SLC30A5: variants seen among roughly 807,000 people sequenced by gnomAD.
SLC30A5 encodes the protein solute carrier family 30 member 5, also known as proton-coupled zinc antiporter SLC30A5.
In SLC30A5, 33 loss-of-function variants were observed where a neutral mutation model predicts 79.6. The ratio of observed to expected loss-of-function variants is 0.41; its 90% CI spans 0.31 to 0.55. The LOEUF is 0.55. Among genes scored for constraint, SLC30A5 ranks in the 20% least tolerant of loss-of-function variants. The pLI, the probability that SLC30A5 is intolerant of heterozygous loss-of-function variation, is 0.20. For missense variants in SLC30A5, 788 were observed against 928.1 expected (o/e 0.85, Z 1.96); for synonymous variants, 299 against 319.7 (o/e 0.94, Z 0.69).
rs544028133 is a variant in SLC30A5 at position 69,106,007 on chromosome 5, A to T, written c.359+1291A>T. Reference sequence around the variant, plus strand: ...AGGAAACCAGACCCTGGTGCCAAAAAGGTTGGGGACCACTGTTCTAAAGGA... The same window carrying T: ...AGGAAACCAGACCCTGGTGCCAAAATGGTTGGGGACCACTGTTCTAAAGGA... On this transcript the variant is annotated intron_variant, in intron 4 of 15. Coordinates refer to ENST00000396591, the MANE Select transcript of SLC30A5 (RefSeq NM_022902.5). Among the ~76,000 whole-genome samples the T allele has an allele frequency of 2.0e-5, 3 of 152,314 alleles. No individual in the cohort carries two copies. The South Asian group carries it at 6.2e-4, about 32-fold the overall frequency.
Position 69,116,087 on chromosome 5 carries a change from T to C in SLC30A5, c.945T>C (p.Leu315=). The C allele has an allele frequency of 6.2e-7, 1 of 1,614,190 alleles. No individual in the cohort carries two copies. Among genetic ancestry groups the C allele is most frequent in the Non-Finnish European group, 8.5e-7 (1 of 1,180,030 alleles). The change falls in exon 9 of 16, where the codon CTT becomes CTC. Residue 315 remains leucine, a synonymous_variant. Coordinates refer to ENST00000396591, the MANE Select transcript of SLC30A5 (RefSeq NM_022902.5). The surrounding 1 kb of genome is among the most constrained non-coding windows in gnomAD (Gnocchi z 4.0). ...TTCCCATTTTTATTAGTGCTCTCCTTTTTGGAAATTTTTGGACACATCCAA... is the reference window on the plus strand; with the variant it reads ...TTCCCATTTTTATTAGTGCTCTCCTCTTTGGAAATTTTTGGACACATCCAA... ...GSFPIFISAL[L]FGNFWTHPIT... is the part of the protein sequence containing the mutation.
chr5:69,128,208 C>A, intron 15 of SLC30A5, 76 bp downstream of exon 15: 2 of 1,081,720 alleles, frequency 1.8e-6, no homozygotes, highest in South Asian at 1.5e-5. Context: ...AGTTATATGG[C>A]TCAGTAGTCA....
At chr5:69,117,426 T>C (rs1379815067) in intron 11 of SLC30A5, 30 bp downstream of exon 11, 1 of 1,589,032 alleles carries the variant, frequency 6.3e-7, no homozygotes, top group East Asian at 2.2e-5. Flanking sequence ...AGGTGGTATA[T>C]CTTAAGTGCA....
rs1366730205 is a variant in SLC30A5 at position 69,113,224 on chromosome 5, C to T, written c.532C>T (p.His178Tyr). ...TGATCTCATGGCTAAAATGGCTGAA[C>T]ACCGTATCCTTTTGGAATAGATCAG... ...NDDLMAKMAE[H>Y]PEGHHDSALT... The change falls in exon 6 of 16, where the codon CAC becomes TAC. Residue 178 changes from histidine (H) to tyrosine (Y), a missense_variant. Physicochemically the swap from His to Tyr is moderately conservative, Grantham distance 83. Around this residue, in one of 3 missense-constraint regions of SLC30A5, gnomAD observed 626 missense variants for 755.5 expected, o/e 0.83. Transcript: ENST00000396591. 1 of 1,611,842 alleles carries T rather than the reference C, an allele frequency of 6.2e-7. No individual in the cohort carries two copies. The highest frequency in any genetic ancestry group is 1.3e-5 in the African/African-American group (1 of 74,814).
At chr5:69,102,045 A>G (rs1745938119) in intron 2 of SLC30A5, among the ~76,000 whole-genome samples, 1 of 139,488 alleles carries the variant, frequency 7.2e-6, no homozygotes. Context: ...AGCACCAGTG[A>G]CGTGCTTTTT....
intron 5 of SLC30A5, among the ~76,000 whole-genome samples, chr5:69,110,576 T>C (rs1162175528): frequency 6.6e-6 from 1 of 151,894 alleles, no homozygotes; most frequent in Non-Finnish European, 1.5e-5. Context: ...GCTTTGTGAG[T>C]TTACAAAATA....
At chr5:69,103,668 C>T (rs750773410) in intron 3 of SLC30A5, among the ~76,000 whole-genome samples, 1 of 152,228 alleles carries the variant, frequency 6.6e-6, no homozygotes, top group African/African-American at 2.4e-5. Flanking sequence ...AATGATGCCT[C>T]ATCATCATTG....
In SLC30A5 at chr5:69,116,852, A is replaced by T. The variant is rs898726491; in HGVS notation, c.1281+250A>T. Among the ~76,000 whole-genome samples the T allele has an allele frequency of 7.2e-5, 11 of 152,336 alleles. No individual in the cohort carries two copies. The highest frequency in any genetic ancestry group is 2.6e-4 in the African/African-American group (11 of 41,576). The stretch of plus-strand genomic sequence containing the variant: ...GGCATTTTAGAAGCATTGATTTAGT[A>T]TGTTCCTTCAAATCAGTAAATATAG... On this transcript the variant is annotated intron_variant, in intron 10 of 15. Transcript: ENST00000396591. This position sits in a 1 kb window ranked among gnomAD's most constrained non-coding sequence, Gnocchi z 4.0.
intron 5 of SLC30A5, among the ~76,000 whole-genome samples, chr5:69,111,925 C>G (rs1010619832): frequency 2.0e-5 from 3 of 152,026 alleles, no homozygotes; most frequent in African/African-American, 7.3e-5. Flanking sequence ...CTTAATGTAT[C>G]TATATATAAT....
At chr5:69,112,591 A>C (rs1239350267) in intron 5 of SLC30A5, among the ~76,000 whole-genome samples, 1 of 151,784 alleles carries the variant, frequency 6.6e-6, no homozygotes, top group African/African-American at 2.4e-5. Flanking sequence ...AGCCTGGGCG[A>C]CAGCGAGATC....
intron 4 of SLC30A5, among the ~76,000 whole-genome samples, chr5:69,105,566 A>G (rs1375686512): frequency 1.3e-5 from 2 of 152,012 alleles, no homozygotes; most frequent in Admixed American, 1.3e-4. Flanking sequence ...AAAATTAGCC[A>G]GAAATCACTT....
chr5:69,118,721 G>T, intron 12 of SLC30A5, 93 bp downstream of exon 12: 1 of 1,081,232 alleles, frequency 9.2e-7, no homozygotes, highest in Non-Finnish European at 1.3e-6. Flanking sequence ...ATTGCTCTAA[G>T]AAGGTTTTAT....
intron 14 of SLC30A5, 81 bp downstream of exon 14, chr5:69,123,506 C>A: frequency 9.6e-6 from 10 of 1,042,054 alleles, no homozygotes; most frequent in East Asian, 2.5e-5. Flanking sequence ...AACAGACAAC[C>A]AAATAAATAA....
intron 6 of SLC30A5, 92 bp from the exon 7 acceptor site, chr5:69,114,328 A>C: frequency 1.3e-6 from 1 of 754,202 alleles, no homozygotes; most frequent in East Asian, 2.5e-5. Context: ...GTCTATATGC[A>C]ATCCAAAATA....
At chr5:69,120,017 C>CAAAA (rs35168466) in intron 12 of SLC30A5, among the ~76,000 whole-genome samples, 4 of 64,162 alleles carry the variant, frequency 6.2e-5, no homozygotes, top group African/African-American at 1.4e-4. Flanking sequence ...GACTCTGCCT[C>CAAAA]AAAAAAAAAA....
chr5:69,103,915 A>G, intron 3 of SLC30A5: 1 of 1,354,176 alleles, frequency 7.4e-7, no homozygotes. Context: ...TTTTTAAAAT[A>G]TGATTAATAG....
At chr5:69,095,874 A>G (rs1213533079) in intron 1 of SLC30A5, among the ~76,000 whole-genome samples, 2 of 151,680 alleles carry the variant, frequency 1.3e-5, no homozygotes, top group African/African-American at 4.9e-5. Flanking sequence ...AGCCTGGCCA[A>G]CATGGTGAGA....
At chr5:69,103,262 T>C (rs1462766210) in intron 3 of SLC30A5, 134 bp downstream of exon 3, 1 of 570,898 alleles carries the variant, frequency 1.8e-6, no homozygotes, top group South Asian at 3.0e-5. Context: ...GTTAACTTGC[T>C]CTTGTCTTTT....
chr5:69,098,826 T>C (rs1422104505), intron 1 of SLC30A5, among the ~76,000 whole-genome samples: 1 of 152,218 alleles, frequency 6.6e-6, no homozygotes, highest in Non-Finnish European at 1.5e-5. Flanking sequence ...TAGCAGGTGC[T>C]CAACAAATGT....
Sources: allele counts gnomAD v4.1 joint callset (sites outside exome capture counted in the v4.1 genomes callset), GRCh38; gene constraint gnomAD v4.1.1; regional missense constraint gnomAD v4.1.1; non-coding constraint Gnocchi (gnomAD v3.1); transcripts MANE v1.5; gene names NCBI Gene and HGNC (gene_info 2026-07-23, HGNC 2026-07-21).